The following GP9 variants were observed in gnomAD, a reference collection of about 807,000 sequenced individuals.
GP9 encodes the protein platelet glycoprotein IX.
For synonymous variants in GP9, 116 were observed against 116.7 expected, an observed-to-expected ratio of 0.99 and a Z score of 0.04; for missense variants, 228 against 241.8, an observed-to-expected ratio of 0.94 and a Z score of 0.38.
chr3:129,061,349 T>G, intron 1 of GP9, 145 bp from the exon 2 acceptor site: 1 of 344,152 alleles, frequency 2.9e-6, no homozygotes, highest in Non-Finnish European at 5.6e-6. Context: ...CCAAGGCTCT[T>G]TCCTAGTCTC....
At chr3:129,057,308 C>T (rs1946529951), upstream of GP9, among the ~76,000 whole-genome samples, 1 of 151,984 alleles carries the variant, frequency 6.6e-6, no homozygotes, top group African/African-American at 2.4e-5. Flanking sequence ...GCAAGGGAGG[C>T]CTTTGAGGAG....
At chr3:129,055,535 T>C in the GP9 span, among the ~76,000 whole-genome samples, 1 of 152,196 alleles carries the variant, frequency 6.6e-6, no homozygotes, top group Non-Finnish European at 1.5e-5. Context: ...AGGGGTATCT[T>C]TGTGCCAAGC....
chr3:129,056,273 G>C (rs916809427), upstream of GP9, among the ~76,000 whole-genome samples: 17 of 152,214 alleles, frequency 1.1e-4, no homozygotes, highest in Non-Finnish European at 2.2e-4. Context: ...GCAAGCAGAG[G>C]CTCTGTTCCA....
rs1946585400 is a variant in GP9 at position 129,062,123 on chromosome 3, A to T, written c.384A>T (p.Thr128=). 6.3e-7 allele frequency: 1 copy of T among 1,594,850 alleles called. No individual in the cohort carries two copies. Among genetic ancestry groups the T allele is most frequent in the African/African-American group, 1.3e-5 (1 of 74,526 alleles). Reference sequence around the variant, plus strand: ...CCCATGGCCCGCTGGGCCGGCTGACAGGCTACCAGCTGGGCAGCTGTGGCT... The same window carrying T: ...CCCATGGCCCGCTGGGCCGGCTGACTGGCTACCAGCTGGGCAGCTGTGGCT... The part of the protein sequence containing the change: ...LAAHGPLGRL[T]GYQLGSCGWQ... Residue 128 remains threonine (T), a synonymous_variant, in exon 3 of 3, where the codon ACA becomes ACT. Transcript: ENST00000307395.
upstream of GP9, among the ~76,000 whole-genome samples, chr3:129,059,953 CCT>C (rs1300402411): frequency 6.6e-6 from 1 of 152,102 alleles, no homozygotes; most frequent in Non-Finnish European, 1.5e-5. Flanking sequence ...GTGTTTTTAC[CCT>C]GTTTTATTTA....
intron 1 of GP9, among the ~76,000 whole-genome samples, chr3:129,061,237 C>T (rs1946571658): frequency 6.6e-6 from 1 of 152,200 alleles, no homozygotes; most frequent in Non-Finnish European, 1.5e-5. Flanking sequence ...GTTCCCCTCC[C>T]TGCTCCAGCC....
upstream of GP9, chr3:129,060,649 C>A (rs1279961161): frequency 6.6e-6 from 1 of 152,394 alleles, no homozygotes; most frequent in Admixed American, 6.5e-5. Flanking sequence ...GGTTCTGTGC[C>A]CAAGGCGCGG....
upstream of GP9, among the ~76,000 whole-genome samples, chr3:129,059,593 C>T (rs1946553595): frequency 6.6e-6 from 1 of 152,186 alleles, no homozygotes; most frequent in African/African-American, 2.4e-5. Context: ...AGCACCTTCC[C>T]CACCCTTCTC....
Position 129,061,948 on chromosome 3 carries a change from C to T in GP9, c.209C>T (p.Ala70Val), listed in dbSNP as rs780722740. 1.9e-6 allele frequency: 3 copies of T among 1,613,770 alleles called. No individual in the cohort carries two copies. Among genetic ancestry groups the T allele is most frequent in the Non-Finnish European group, 2.5e-6 (3 of 1,179,882 alleles). ...AGCCTTCAGTCCGTGCCCCCGGGAG[C>T]CTTTGACCACCTGCCCCAGCTGCAG... The part of the protein sequence containing the change: ...NNSLQSVPPG[A>V]FDHLPQLQTL... Residue 70 changes from alanine to valine, a missense_variant, in exon 3 of 3, where the codon GCC (alanine) becomes GTC (valine). Transcript: ENST00000307395.
rs1473167390 is a variant in GP9, at chr3:129,061,601, C to G, written c.-31C>G. 1.4e-6 allele frequency: 1 copy of G among 739,770 alleles called. No homozygotes were observed. The highest frequency in any genetic ancestry group is 2.3e-6 in the Non-Finnish European group (1 of 431,974). 45.8% of individuals were successfully genotyped at this position (739,770 alleles called of 1,614,324 possible). On this transcript the variant is annotated 5_prime_UTR_variant, in exon 2 of 3. Coordinates refer to ENST00000307395, the MANE Select transcript of GP9 (RefSeq NM_000174.5). The stretch of plus-strand genomic sequence containing the variant: ...CCAGCTGGTTTCCCAGAGGAGAAGG[C>G]TGAGACCCGAGAAGGGAGGTGAGTG...
At chr3:129,055,648 CTT>C in the GP9 span, among the ~76,000 whole-genome samples, 17 of 140,938 alleles carry the variant, frequency 1.2e-4, no homozygotes, top group Non-Finnish European at 9.2e-5. Context: ...TTCTTTCTTT[CTT>C]TTTTTTTTTT....
In GP9 at chr3:129,061,756, C is replaced by T. The variant is rs745621166; in HGVS notation, c.17C>T (p.Ala6Val). The T allele has an allele frequency of 6.2e-7, 1 of 1,612,788 alleles. No homozygotes were observed. Among genetic ancestry groups the T allele is most frequent in the South Asian group, 1.1e-5 (1 of 90,948 alleles). Residue 6 changes from alanine to valine, a missense_variant, in exon 3 of 3, where the codon GCC (alanine) becomes GTC (valine). Physicochemically the swap from Ala to Val is moderately conservative, Grantham distance 64 (BLOSUM62 0). Coordinates refer to ENST00000307395, the MANE Select transcript of GP9 (RefSeq NM_000174.5). MPAWG[A>V]LFLLWATAEA... ...GCCTGTCCCATGCCTGCCTGGGGAG[C>T]CCTGTTCCTGCTCTGGGCCACAGCA...
upstream of GP9, chr3:129,060,671 C>T (rs1323048580): frequency 2.0e-5 from 3 of 152,326 alleles, no homozygotes; most frequent in Non-Finnish European, 4.4e-5. Context: ...CCCCTGAGGG[C>T]CTCCTGCCTC....
intron 1 of GP9, among the ~76,000 whole-genome samples, 181 bp from the exon 2 acceptor site, chr3:129,061,313 G>A (rs368754948): frequency 2.6e-5 from 4 of 152,184 alleles, no homozygotes; most frequent in African/African-American, 9.7e-5. Flanking sequence ...CTGGTGGGGG[G>A]TGCTGGGCGC....
At chr3:129,057,856 G>A (rs936078377), upstream of GP9, among the ~76,000 whole-genome samples, 6 of 144,074 alleles carry the variant, frequency 4.2e-5, no homozygotes, top group Non-Finnish European at 7.5e-5. Context: ...TTTTTGAGAC[G>A]GAGTTTTGCT....
upstream of GP9, among the ~76,000 whole-genome samples, chr3:129,057,473 T>C (rs931825413): frequency 5.9e-5 from 9 of 152,082 alleles, no homozygotes; most frequent in African/African-American, 2.4e-5. Flanking sequence ...TTGGTGTGGC[T>C]GGACATTGAT....
chr3:129,057,015 A>G (rs1291796107), upstream of GP9, among the ~76,000 whole-genome samples: 2 of 152,206 alleles, frequency 1.3e-5, no homozygotes, highest in African/African-American at 4.8e-5. Context: ...AGCATCAAGG[A>G]GACAGCAGTC....
chr3:129,062,060 C>T lies in GP9; in HGVS notation c.321C>T (p.Ala107=), dbSNP rs773442662. 1.2e-6 allele frequency: 2 copies of T among 1,612,404 alleles called. No individual in the cohort carries two copies. Among genetic ancestry groups the T allele is most frequent in the Admixed American group, 3.3e-5 (2 of 59,992 alleles). ...GGCTGGAGGACCGCACGCCCGAGGCCCTGCTGCAGGTCCGCTGTGCCAGCC... is the reference window on the plus strand; with the variant it reads ...GGCTGGAGGACCGCACGCCCGAGGCTCTGCTGCAGGTCCGCTGTGCCAGCC... ...RLWLEDRTPE[A]LLQVRCASPS... The change falls in exon 3 of 3, where the codon GCC becomes GCT. Residue 107 remains alanine, a synonymous_variant. Coordinates refer to ENST00000307395, the MANE Select transcript of GP9 (RefSeq NM_000174.5).
the GP9 span, among the ~76,000 whole-genome samples, chr3:129,055,503 T>C: frequency 2.1e-3 from 326 of 152,204 alleles, 1 homozygote; most frequent in African/African-American, 7.6e-3. Context: ...CGAAGTCCCA[T>C]GGTTAGGGCT....
Sources: gnomAD v4.1 joint callset for allele counts (sites outside exome capture counted in the v4.1 genomes callset) on GRCh38, gnomAD v4.1.1 for gene constraint, MANE v1.5 for transcripts, NCBI Gene and HGNC (gene_info 2026-07-23, HGNC 2026-07-21) for gene names.